Variants in EPHA3 observed in about 807,000 individuals in gnomAD.
The protein encoded by EPHA3 is EPH receptor A3, also known as ephrin type-A receptor 3.
In EPHA3, 42 loss-of-function variants were observed where a neutral mutation model predicts 107.1. The ratio of observed to expected loss-of-function variants is 0.39; its 90% confidence interval spans 0.31 to 0.51. The LOEUF is 0.51. Among genes scored for constraint, EPHA3 ranks in the 20% least tolerant of loss-of-function variants. EPHA3 has a pLI of 0.78. For synonymous variants in EPHA3, 461 were observed against 424.8 expected (o/e 1.09, Z -1.05); for missense variants, 1,183 against 1,211.2 (o/e 0.98, Z 0.35).
intron 5 of EPHA3, among the ~76,000 whole-genome samples, chr3:89,369,546 A>T (rs936955959): frequency 6.7e-6 from 1 of 150,326 alleles, no homozygotes; most frequent in African/African-American, 2.5e-5. Flanking sequence ...CTAAAACCAT[A>T]AAAACCCTAG....
Position 89,424,814 on chromosome 3 carries a change from G to A in EPHA3, c.2075-4292G>A, listed in dbSNP as rs143002892. Among the ~76,000 whole-genome samples, 51 of 151,540 alleles carry A rather than the reference G, an allele frequency of 3.4e-4. No homozygotes were observed. The East Asian group carries it at 7.0e-3, about 21-fold the overall frequency. On this transcript the variant is annotated intron_variant, in intron 11 of 16. Coordinates refer to ENST00000336596, the MANE Select transcript of EPHA3 (RefSeq NM_005233.6). ...TCAGCTCTAACTAGCATAATGGACA[G>A]TAAATTAGTTGTTATCTTTGAAGAT...
intron 5 of EPHA3, among the ~76,000 whole-genome samples, chr3:89,361,722 C>G (rs1370358447): frequency 6.6e-6 from 1 of 151,032 alleles, no homozygotes; most frequent in Non-Finnish European, 1.5e-5. Context: ...CTGCCTCACT[C>G]TCCTCTATGC....
chr3:89,303,568 C>T (rs1458153564), intron 3 of EPHA3, among the ~76,000 whole-genome samples: 2 of 151,702 alleles, frequency 1.3e-5, no homozygotes, highest in Non-Finnish European at 2.9e-5. Flanking sequence ...TTTATTATTC[C>T]TACACATGAG....
intron 5 of EPHA3, among the ~76,000 whole-genome samples, chr3:89,347,693 A>G (rs985354772): frequency 6.6e-6 from 1 of 150,614 alleles, no homozygotes; most frequent in Non-Finnish European, 1.5e-5. Flanking sequence ...GTCTTGTGCC[A>G]GTTTTCAAAG....
At chr3:89,278,607 C>T (rs1223185983) in intron 3 of EPHA3, among the ~76,000 whole-genome samples, 4 of 151,952 alleles carry the variant, frequency 2.6e-5, no homozygotes, top group Admixed American at 6.6e-5. Flanking sequence ...TATTTTGTGA[C>T]GCTTTCTCTT....
intron 13 of EPHA3, among the ~76,000 whole-genome samples, chr3:89,446,826 C>A (rs905838201): frequency 3.3e-5 from 5 of 151,690 alleles, no homozygotes; most frequent in African/African-American, 1.2e-4. Context: ...TATACTTATA[C>A]GCTTTCAGTA....
chr3:89,365,151 A>G (rs1708163650), intron 5 of EPHA3, among the ~76,000 whole-genome samples: 1 of 150,908 alleles, frequency 6.6e-6, no homozygotes, highest in African/African-American at 2.4e-5. Context: ...GAGAATAGAG[A>G]AAGGTTTTCT....
At chr3:89,395,387 T>G (rs1010016197) in intron 5 of EPHA3, among the ~76,000 whole-genome samples, 2 of 152,236 alleles carry the variant, frequency 1.3e-5, no homozygotes, top group Admixed American at 1.3e-4. Context: ...TTGTGCATAA[T>G]GGATTCCAGT....
intron 5 of EPHA3, among the ~76,000 whole-genome samples, chr3:89,390,522 C>T (rs912199169): frequency 1.5e-4 from 23 of 151,542 alleles, no homozygotes; most frequent in African/African-American, 5.1e-4. Flanking sequence ...ATTGCTTGAA[C>T]CCGGGAGGCA....
intron 3 of EPHA3, among the ~76,000 whole-genome samples, chr3:89,241,931 T>A (rs1379737439): frequency 6.6e-6 from 1 of 152,212 alleles, no homozygotes; most frequent in East Asian, 1.9e-4. Flanking sequence ...AGCAGATTTA[T>A]AAAACCTCAA....
In EPHA3 at chr3:89,339,142, G is replaced by A. The variant is rs1166361298; in HGVS notation, c.815-1774G>A. ...AATCCCAGGACTTTGGGAGGCCGAGGCGGGCGGATCACAAGGTCAGGAGGT... is the reference window on the plus strand; with the variant it reads ...AATCCCAGGACTTTGGGAGGCCGAGACGGGCGGATCACAAGGTCAGGAGGT... On this transcript the variant is annotated intron_variant, in intron 3 of 16. Transcript: ENST00000336596. Among the ~76,000 whole-genome samples the A allele has an allele frequency of 5.9e-5, 9 of 152,214 alleles. No homozygotes were observed. In the South Asian group the frequency reaches 1.5e-3, roughly 25 times the overall value.
intron 5 of EPHA3, among the ~76,000 whole-genome samples, chr3:89,379,969 C>T (rs77182637): frequency 0.016 from 2,432 of 152,260 alleles, 66 homozygotes; most frequent in African/African-American, 0.055. Context: ...TTCAATAGGA[C>T]CTCTCTTTCT....
chr3:89,285,952 A>G (rs1576289562), intron 3 of EPHA3, among the ~76,000 whole-genome samples: 1 of 152,224 alleles, frequency 6.6e-6, no homozygotes, highest in East Asian at 1.9e-4. Context: ...GTGATCAGGC[A>G]ATCATGATAG....
chr3:89,399,783 A>C (rs915924117), intron 7 of EPHA3: 5 of 1,136,870 alleles, frequency 4.4e-6, no homozygotes, highest in Non-Finnish European at 5.4e-6. Context: ...ATAGTAACAC[A>C]CTTCCAGTGT....
At chr3:89,260,044 GTGTT>G (rs763328931) in intron 3 of EPHA3, among the ~76,000 whole-genome samples, 3 of 152,310 alleles carry the variant, frequency 2.0e-5, no homozygotes, top group Non-Finnish European at 4.4e-5. Flanking sequence ...ATGTGTGTGT[GTGTT>G]TGTTTATAAT....
chr3:89,424,735 T>G (rs1051894243), intron 11 of EPHA3, among the ~76,000 whole-genome samples: 1 of 151,524 alleles, frequency 6.6e-6, no homozygotes, highest in Non-Finnish European at 1.5e-5. Context: ...AAGAGTATTA[T>G]ATACATTCAT....
intron 2 of EPHA3, among the ~76,000 whole-genome samples, chr3:89,193,751 CT>C (rs34818649): frequency 1.3e-5 from 2 of 151,796 alleles, no homozygotes; most frequent in African/African-American, 4.8e-5. Flanking sequence ...GAATAAACTA[CT>C]TTTTTAGAAA....
intron 1 of EPHA3, among the ~76,000 whole-genome samples, chr3:89,112,691 T>C (rs1302951515): frequency 1.3e-5 from 2 of 151,780 alleles, no homozygotes; most frequent in African/African-American, 2.4e-5. Context: ...AGTCATAAGA[T>C]CTTCAGGAAA....
At position 89,430,241 on chromosome 3, in the gene EPHA3, A is replaced by G. The variant is rs140248536; in HGVS notation, c.2137-909A>G. 4.4e-3 allele frequency among the ~76,000 whole-genome samples: 668 copies of G among 152,260 alleles called. 17 individuals carry two copies. The highest frequency in any genetic ancestry group is 0.029 in the Admixed American group (446 of 15,276). Reference sequence around the variant, plus strand: ...TCAAGGTGCTTTTGTTGCTATATAAATTGAGATGGGCAGATGACAGAAAGA... The same window carrying G: ...TCAAGGTGCTTTTGTTGCTATATAAGTTGAGATGGGCAGATGACAGAAAGA... On this transcript the variant is annotated intron_variant, in intron 12 of 16. Coordinates refer to ENST00000336596, the MANE Select transcript of EPHA3 (RefSeq NM_005233.6).
Sources: allele counts gnomAD v4.1 joint callset (sites outside exome capture counted in the v4.1 genomes callset), GRCh38; gene constraint gnomAD v4.1.1; transcripts MANE v1.5; gene names NCBI Gene and HGNC (gene_info 2026-07-23, HGNC 2026-07-21).